Variants in PLXNA4 observed in about 807,000 individuals in gnomAD.
The protein encoded by PLXNA4 is plexin A4.
PLXNA4 carries 44 observed loss-of-function variants against 191.8 expected under a neutral mutation model. The ratio of observed to expected loss-of-function variants is 0.23; its 90% CI spans 0.18 to 0.29. PLXNA4 has a LOEUF of 0.29. Among genes scored for constraint, PLXNA4 ranks in the 10% least tolerant of loss-of-function variants. The pLI is 1.00. For synonymous variants in PLXNA4, 1,082 were observed against 1,009.5 expected (o/e 1.07, Z -1.36); for missense variants, 1,800 against 2,488.8 (o/e 0.72, Z 5.89).
At chr7:132,176,634 CAG>C (rs1329054452) in intron 20 of PLXNA4, among the ~76,000 whole-genome samples, 1 of 143,656 alleles carries the variant, frequency 7.0e-6, no homozygotes, top group African/African-American at 2.6e-5. Flanking sequence ...GTGTGTATGT[CAG>C]TGAGTGTGTA....
chr7:132,511,429 G>T (rs1798710465), intron 1 of PLXNA4, among the ~76,000 whole-genome samples: 1 of 152,174 alleles, frequency 6.6e-6, no homozygotes, highest in South Asian at 2.1e-4. Flanking sequence ...AGAAGATAGA[G>T]CACTTAGAAG....
chr7:132,167,941 C>A (rs192365665), intron 22 of PLXNA4, among the ~76,000 whole-genome samples: 1 of 152,266 alleles, frequency 6.6e-6, no homozygotes, highest in African/African-American at 2.4e-5. Context: ...TCTCCTAGTC[C>A]AACTTTGGAC....
intron 3 of PLXNA4, among the ~76,000 whole-genome samples, chr7:132,329,204 C>T (rs777337234): frequency 1.1e-4 from 16 of 152,140 alleles, no homozygotes; most frequent in South Asian, 2.1e-4. Context: ...AGGACAAGTC[C>T]AAATGCCCCC....
chr7:132,444,666 AGGTGTGTGTGTT>A (rs901142007), intron 3 of PLXNA4, among the ~76,000 whole-genome samples: 9 of 152,142 alleles, frequency 5.9e-5, no homozygotes, highest in African/African-American at 2.2e-4. Flanking sequence ...ATCTGTGTTA[AGGTGTGTGTGTT>A]GGTGTGGGAG....
Position 132,177,970 on chromosome 7 carries a change from C to A in PLXNA4, c.3874+1717G>T, listed in dbSNP as rs915986167. ...TATGGGGCCGGATTTACTCCATGTA[C>A]AAATCTACAGCAAAGAACCAGCTCA... On this transcript the variant is annotated intron_variant, in intron 20 of 31. Coordinates refer to ENST00000321063, the MANE Select transcript of PLXNA4 (RefSeq NM_020911.2). Among the ~76,000 whole-genome samples the A allele has an allele frequency of 1.3e-5, 2 of 152,098 alleles. 1 individual carries two copies. Among genetic ancestry groups the A allele is most frequent in the Admixed American group, 1.3e-4 (2 of 15,282 alleles).
Position 132,123,415 on chromosome 7 carries a change from G to C in PLXNA4, c.*7064C>G, listed in dbSNP as rs1237521808. On this transcript the variant is annotated 3_prime_UTR_variant, in exon 32 of 32. Transcript: ENST00000321063. Reference sequence around the variant, plus strand: ...TTTTTTGTTCTGAACTGCAAAATAGGAATGCCTTATATTTACATACACAGG... The same window carrying C: ...TTTTTTGTTCTGAACTGCAAAATAGCAATGCCTTATATTTACATACACAGG... The C allele has an allele frequency of 6.6e-6, 1 of 151,976 alleles. No homozygotes were observed. The highest frequency in any genetic ancestry group is 1.5e-5 in the Non-Finnish European group (1 of 67,994). 9.4% of individuals were successfully genotyped at this position (151,976 alleles called of 1,614,324 possible). A position where few individuals can be genotyped will look rare whatever the true frequency, so the allele number is the denominator to read the frequency against.
At chr7:132,537,018 C>G (rs1799867137) in intron 1 of PLXNA4, among the ~76,000 whole-genome samples, 1 of 152,208 alleles carries the variant, frequency 6.6e-6, no homozygotes, top group South Asian at 2.1e-4. Context: ...AAGCAAGCAA[C>G]TAGAGAAGTC....
At chr7:132,467,408 G>A (rs561541012) in intron 3 of PLXNA4, among the ~76,000 whole-genome samples, 17 of 152,310 alleles carry the variant, frequency 1.1e-4, no homozygotes, top group African/African-American at 2.2e-4. Flanking sequence ...CAGGGGACCC[G>A]TGAAAGACCT....
intron 3 of PLXNA4, among the ~76,000 whole-genome samples, chr7:132,486,036 C>T (rs562109621): frequency 1.3e-4 from 20 of 152,148 alleles, no homozygotes; most frequent in Non-Finnish European, 2.5e-4. Flanking sequence ...TAGCATCCCC[C>T]CAAGCTCTCT....
At chr7:132,563,075 C>CTG (rs1801374422) in intron 1 of PLXNA4, among the ~76,000 whole-genome samples, 1 of 96,284 alleles carries the variant, frequency 1.0e-5, no homozygotes. Flanking sequence ...TCCTCCTCCT[C>CTG]CTTCTCCTCC....
At chr7:132,172,643 G>A (rs1019065788) in intron 21 of PLXNA4, among the ~76,000 whole-genome samples, 3 of 152,160 alleles carry the variant, frequency 2.0e-5, no homozygotes, top group African/African-American at 7.2e-5. Context: ...TCACATAGAA[G>A]GCTGGATCTC....
chr7:132,543,619 A>G (rs1172715621), intron 1 of PLXNA4, among the ~76,000 whole-genome samples: 1 of 152,232 alleles, frequency 6.6e-6, no homozygotes, highest in East Asian at 1.9e-4. Flanking sequence ...TGACTGGAAC[A>G]TTGGATTTAC....
At chr7:132,624,407 G>A (rs770638717) in intron 2 of PLXNA4, among the ~76,000 whole-genome samples, 1 of 152,176 alleles carries the variant, frequency 6.6e-6, no homozygotes, top group African/African-American at 2.4e-5. Flanking sequence ...TTCACACTGA[G>A]AAAGGTGATC....
In PLXNA4 at chr7:132,454,293, T is replaced by G. The variant is rs144378512; in HGVS notation, c.1371+34999A>C. Among the ~76,000 whole-genome samples, 210 of 152,304 alleles carry G rather than the reference T, an allele frequency of 1.4e-3. 1 individual carries two copies. Among genetic ancestry groups the G allele is most frequent in the African/African-American group, 4.9e-3 (202 of 41,572 alleles). On this transcript the variant is annotated intron_variant, in intron 3 of 31. Transcript: ENST00000321063. ...AAGGCCACGTGACTCTTAAGCCTCATCTCAAAGTTCTTGTTCCTGCTTCTG... is the reference window on the plus strand; with the variant it reads ...AAGGCCACGTGACTCTTAAGCCTCAGCTCAAAGTTCTTGTTCCTGCTTCTG...
chr7:132,455,838 C>G (rs1796294344), intron 3 of PLXNA4, among the ~76,000 whole-genome samples: 1 of 152,148 alleles, frequency 6.6e-6, no homozygotes, highest in Non-Finnish European at 1.5e-5. Flanking sequence ...CAGTCTCAGT[C>G]CCTCTCCTCC....
At chr7:132,241,353 C>G (rs3925378) in intron 4 of PLXNA4, among the ~76,000 whole-genome samples, 187 bp from the exon 5 acceptor site, 73,989 of 151,934 alleles carry the variant, frequency 0.49, 18,713 homozygotes, top group East Asian at 0.68. Flanking sequence ...ACATATGCAT[C>G]CAGGGAGACA....
chr7:132,532,673 G>T (rs981731239), intron 1 of PLXNA4, among the ~76,000 whole-genome samples: 67 of 152,166 alleles, frequency 4.4e-4, no homozygotes, highest in African/African-American at 1.6e-3. Flanking sequence ...GAGAATCTTC[G>T]ATGGCTCCCT....
rs548856856 is a variant in PLXNA4, at chr7:132,151,739, G to A, written c.4661-3093C>T. On this transcript the variant is annotated intron_variant, in intron 25 of 31. Coordinates refer to ENST00000321063, the MANE Select transcript of PLXNA4 (RefSeq NM_020911.2). ...GAGAGCCCAGACTGACGGGCAGCTG[G>A]TGTGGGCAGCTCCATCCCTGAGGCT... is the stretch of plus-strand genomic sequence containing the variant. Among the ~76,000 whole-genome samples the A allele has an allele frequency of 4.6e-5, 7 of 152,268 alleles. No individual in the cohort carries two copies. In the East Asian group the frequency reaches 1.4e-3, roughly 29 times the overall value.
At chr7:132,314,467 C>T (rs770808989) in intron 3 of PLXNA4, among the ~76,000 whole-genome samples, 6 of 152,134 alleles carry the variant, frequency 3.9e-5, no homozygotes, top group Admixed American at 2.0e-4. Flanking sequence ...TGCCCATGAC[C>T]GGGGGTGCTG....
Sources: allele counts gnomAD v4.1 joint callset (sites outside exome capture counted in the v4.1 genomes callset), GRCh38; gene constraint gnomAD v4.1.1; transcripts MANE v1.5; gene names NCBI Gene and HGNC (gene_info 2026-07-23, HGNC 2026-07-21).